Variants in NRCAM observed in about 807,000 individuals in gnomAD.
The protein encoded by NRCAM is neuronal cell adhesion molecule.
Under a neutral mutation model 156.5 loss-of-function variants are expected in NRCAM, and 83 were observed. That is an observed-to-expected ratio of 0.53 (90% CI 0.44 to 0.64). The LOEUF (loss-of-function observed/expected upper bound fraction) is 0.64, where lower values mean the gene tolerates loss of function less well. NRCAM is among the 30% of genes least tolerant of loss of function. The pLI, the probability that NRCAM is intolerant of heterozygous loss-of-function variation, is 0.00. For synonymous variants in NRCAM, 538 were observed against 563.9 expected, an observed-to-expected ratio of 0.95 and a Z score of 0.65; for missense variants, 1,417 against 1,597.3, an observed-to-expected ratio of 0.89 and a Z score of 1.92.
At chr7:108,374,779 G>A (rs754745003) in intron 2 of NRCAM, among the ~76,000 whole-genome samples, 3 of 152,088 alleles carry the variant, frequency 2.0e-5, no homozygotes, top group Non-Finnish European at 4.4e-5. Context: ...AGAAATCAGA[G>A]CACAGTATGG....
intron 13 of NRCAM, among the ~76,000 whole-genome samples, chr7:108,199,658 C>T (rs187600291): frequency 1.4e-4 from 22 of 152,272 alleles, no homozygotes; most frequent in African/African-American, 5.3e-4. Context: ...CCTTTCTTTC[C>T]AACCAAAGCC....
At chr7:108,406,970 G>A (rs1457638121) in intron 1 of NRCAM, among the ~76,000 whole-genome samples, 1 of 152,108 alleles carries the variant, frequency 6.6e-6, no homozygotes, top group East Asian at 1.9e-4. Flanking sequence ...GGGAATTTCT[G>A]CAGCTGATGT....
chr7:108,291,945 C>G (rs2098308268), intron 3 of NRCAM, among the ~76,000 whole-genome samples: 1 of 152,094 alleles, frequency 6.6e-6, no homozygotes, highest in Admixed American at 6.5e-5. Context: ...CCTAAGGGGG[C>G]CAAGCAGTTA....
chr7:108,226,191 G>A lies in NRCAM; in HGVS notation c.721+17C>T, dbSNP rs771961465. 6.5e-7 allele frequency: 1 copy of A among 1,547,690 alleles called. No individual in the cohort carries two copies. Among genetic ancestry groups the A allele is most frequent in the South Asian group, 1.2e-5 (1 of 83,340 alleles). ...TAAATGTCATTGAAGGGGAGATTTG[G>A]GAAGCTGAACTCTTACCTGAAATCA... is the stretch of plus-strand genomic sequence containing the variant. On this transcript the variant is annotated intron_variant, in intron 9 of 32. Coordinates refer to ENST00000379028, the MANE Select transcript of NRCAM (RefSeq NM_001037132.4).
chr7:108,319,289 G>C (rs1400615026), intron 2 of NRCAM, among the ~76,000 whole-genome samples: 1 of 152,156 alleles, frequency 6.6e-6, no homozygotes, highest in African/African-American at 2.4e-5. Flanking sequence ...TCCTTGAAAA[G>C]TTAGGAAAAC....
At chr7:108,191,116 G>A in intron 19 of NRCAM, 138 bp downstream of exon 19, 1 of 600,694 alleles carries the variant, frequency 1.7e-6, no homozygotes, top group Non-Finnish European at 2.8e-6. Context: ...GTAAATGGGT[G>A]ACACAACATA....
intron 2 of NRCAM, among the ~76,000 whole-genome samples, chr7:108,349,772 A>G (rs2099398305): frequency 6.6e-6 from 1 of 152,176 alleles, no homozygotes; most frequent in Non-Finnish European, 1.5e-5. Flanking sequence ...TTTAAAGCAC[A>G]ATAGTCTCTG....
intron 11 of NRCAM, among the ~76,000 whole-genome samples, chr7:108,219,697 AC>A (rs1407151522): frequency 2.6e-5 from 4 of 152,198 alleles, no homozygotes; most frequent in Non-Finnish European, 4.4e-5. Context: ...TAATGAACAT[AC>A]CTCAATGTAA....
intron 2 of NRCAM, among the ~76,000 whole-genome samples, chr7:108,394,313 G>T (rs2099770805): frequency 6.6e-6 from 1 of 152,192 alleles, no homozygotes; most frequent in South Asian, 2.1e-4. Flanking sequence ...CTACCACAGT[G>T]ACTGTGTCTT....
chr7:108,425,433 A>G (rs1013600256), intron 1 of NRCAM, among the ~76,000 whole-genome samples: 4 of 152,184 alleles, frequency 2.6e-5, no homozygotes, highest in African/African-American at 7.2e-5. Flanking sequence ...AGAAGAGATG[A>G]TACATGTGCA....
At chr7:108,260,642 C>G (rs901010914) in intron 3 of NRCAM, among the ~76,000 whole-genome samples, 55 of 152,066 alleles carry the variant, frequency 3.6e-4, no homozygotes, top group African/African-American at 1.3e-3. Flanking sequence ...ATTGTGCATT[C>G]CAGAGCGTGG....
rs1857458239 is a variant in NRCAM, at chr7:108,456,411, G to A, written c.-500C>T. 2 of 150,574 alleles carry A rather than the reference G, an allele frequency of 1.3e-5. No homozygotes were observed. The highest frequency in any genetic ancestry group is 4.9e-5 in the African/African-American group (2 of 41,042). 9.3% of individuals were successfully genotyped at this position (150,574 alleles called of 1,614,324 possible). A position where few individuals can be genotyped will look rare whatever the true frequency, so the allele number is the denominator to read the frequency against. On this transcript the variant is annotated 5_prime_UTR_variant, in exon 1 of 33. Transcript: ENST00000379028. ...GAGGCTCGGACTGCGGCGCGCGTCC[G>A]CCAGCGACCCTGGCGAAGCGAGGCT...
rs548393654 is a variant in NRCAM at position 108,401,222 on chromosome 7, A to G, written c.-331-1629T>C. ...GCCACTGCACCAGCCTGGGCGACAG[A>G]GCAAGACTCCATCTCAAAAACAAAG... On this transcript the variant is annotated intron_variant, in intron 1 of 32. Coordinates refer to ENST00000379028, the MANE Select transcript of NRCAM (RefSeq NM_001037132.4). 5.9e-5 allele frequency among the ~76,000 whole-genome samples: 9 copies of G among 152,208 alleles called. No individual in the cohort carries two copies. The South Asian group carries it at 1.9e-3, about 32-fold the overall frequency.
chr7:108,175,330 G>C lies in NRCAM; in HGVS notation c.3179C>G (p.Ala1060Gly). 1 of 1,559,760 alleles carries C rather than the reference G, an allele frequency of 6.4e-7. No individual in the cohort carries two copies. Among genetic ancestry groups the C allele is most frequent in the South Asian group, 1.2e-5 (1 of 84,152 alleles). ...CAGATGAATTATTTTACCTTTGCCT[G>C]CACCTACATCAGGTGGAAGAATACC... is the stretch of plus-strand genomic sequence containing the variant. ...EAGILPPDVG[A>G]GKVQAVNPRI... Residue 1060 changes from alanine to glycine, a missense_variant, in exon 28 of 33, where the codon GCA becomes GGA. Ala to Gly is a moderately conservative substitution (Grantham distance 60). Coordinates refer to ENST00000379028, the MANE Select transcript of NRCAM (RefSeq NM_001037132.4).
At chr7:108,413,890 C>T (rs1309222937) in intron 1 of NRCAM, among the ~76,000 whole-genome samples, 1 of 152,190 alleles carries the variant, frequency 6.6e-6, no homozygotes, top group African/African-American at 2.4e-5. Flanking sequence ...TCTCTCCCAA[C>T]ACCATCAGCT....
chr7:108,274,133 G>A (rs573877835), intron 3 of NRCAM, among the ~76,000 whole-genome samples: 4 of 152,264 alleles, frequency 2.6e-5, no homozygotes, highest in Admixed American at 2.6e-4. Context: ...CACTGTTTTG[G>A]TTACTGTAGC....
chr7:108,362,629 T>C (rs1448377044), intron 2 of NRCAM, among the ~76,000 whole-genome samples: 4 of 152,136 alleles, frequency 2.6e-5, no homozygotes, highest in African/African-American at 9.7e-5. Flanking sequence ...TGGTGGATGG[T>C]AGGAGCCAAA....
At chr7:108,350,184 T>C (rs1018626929) in intron 2 of NRCAM, among the ~76,000 whole-genome samples, 1 of 152,222 alleles carries the variant, frequency 6.6e-6, no homozygotes, top group African/African-American at 2.4e-5. Context: ...CTCTCTGAAA[T>C]GGCGTTCCTG....
At chr7:108,448,501 G>A (rs1258029811) in intron 1 of NRCAM, among the ~76,000 whole-genome samples, 3 of 152,182 alleles carry the variant, frequency 2.0e-5, no homozygotes, top group Non-Finnish European at 4.4e-5. Flanking sequence ...CAATTTTTCA[G>A]TTTTCAAATA....
Sources: allele counts gnomAD v4.1 joint callset (sites outside exome capture counted in the v4.1 genomes callset), GRCh38; gene constraint gnomAD v4.1.1; transcripts MANE v1.5; gene names NCBI Gene and HGNC (gene_info 2026-07-23, HGNC 2026-07-21).